The following SH3RF3 variants were observed in gnomAD, a reference collection of about 807,000 sequenced individuals.
SH3RF3 encodes SH3 domain containing ring finger 3, also known as E3 ubiquitin-protein ligase SH3RF3.
A neutral mutation model predicts 66.3 loss-of-function variants in SH3RF3; 29 were observed. That is an observed-to-expected ratio of 0.44 (90% CI 0.33 to 0.60). The LOEUF (loss-of-function observed/expected upper bound fraction) is 0.60, where lower values mean the gene tolerates loss of function less well. Ranked by LOEUF, SH3RF3 falls within the 20% of genes least tolerant of loss-of-function variation. The pLI, the probability that SH3RF3 is intolerant of heterozygous loss-of-function variation, is 0.04. For synonymous variants in SH3RF3, 583 were observed against 532.0 expected (o/e 1.10, Z -1.32); for missense variants, 1,194 against 1,190.9 (o/e 1.00, Z -0.04).
intron 7 of SH3RF3, among the ~76,000 whole-genome samples, chr2:109,439,984 A>G (rs1677515905): frequency 6.6e-6 from 1 of 152,200 alleles, no homozygotes; most frequent in African/African-American, 2.4e-5. Flanking sequence ...GAAAGTTTTC[A>G]AGAGGAGGTG....
intron 5 of SH3RF3, among the ~76,000 whole-genome samples, chr2:109,422,672 A>G (rs1676914233): frequency 6.6e-6 from 1 of 152,184 alleles, no homozygotes; most frequent in African/African-American, 2.4e-5. Context: ...AAGCAGAAAT[A>G]TGATTGTCTG....
chr2:109,451,875 A>T (rs1340659436), intron 8 of SH3RF3, among the ~76,000 whole-genome samples: 1 of 152,230 alleles, frequency 6.6e-6, no homozygotes, highest in Non-Finnish European at 1.5e-5. Flanking sequence ...GGGGCTGGAC[A>T]CATGCTGTGG....
At chr2:109,225,545 G>A (rs1351485458) in intron 1 of SH3RF3, among the ~76,000 whole-genome samples, 2 of 152,236 alleles carry the variant, frequency 1.3e-5, no homozygotes, top group African/African-American at 4.8e-5. Context: ...TCTCCTGAGA[G>A]TTAGGCCAGG....
chr2:109,294,303 G>A (rs1681256161), intron 1 of SH3RF3, among the ~76,000 whole-genome samples: 1 of 152,124 alleles, frequency 6.6e-6, no homozygotes, highest in South Asian at 2.1e-4. Flanking sequence ...GGTCATGCCT[G>A]TAATCCCAGC....
At chr2:109,439,419 A>G (rs770963416) in intron 7 of SH3RF3, among the ~76,000 whole-genome samples, 6 of 152,152 alleles carry the variant, frequency 3.9e-5, no homozygotes, top group Non-Finnish European at 8.8e-5. Context: ...TTCATTCTGC[A>G]TTTAGAGAGA....
intron 1 of SH3RF3, among the ~76,000 whole-genome samples, chr2:109,257,582 C>T (rs1024251481): frequency 2.6e-5 from 4 of 152,078 alleles, no homozygotes. Flanking sequence ...TTACTTTCTT[C>T]CCTTGACCAC....
intron 1 of SH3RF3, among the ~76,000 whole-genome samples, chr2:109,135,323 G>A (rs1315156582): frequency 6.6e-6 from 1 of 152,220 alleles, no homozygotes; most frequent in Non-Finnish European, 1.5e-5. Flanking sequence ...ACACGTGGAA[G>A]GAGGGGAAGG....
intron 3 of SH3RF3, among the ~76,000 whole-genome samples, chr2:109,390,002 C>T (rs555702352): frequency 2.0e-5 from 3 of 152,268 alleles, no homozygotes; most frequent in Admixed American, 6.5e-5. Flanking sequence ...AAGGCAGAAG[C>T]GCCCTGGGAA....
At chr2:109,341,777 A>G (rs1325556533) in intron 1 of SH3RF3, among the ~76,000 whole-genome samples, 1 of 152,214 alleles carries the variant, frequency 6.6e-6, no homozygotes, top group East Asian at 1.9e-4. Context: ...ATCATAAAAC[A>G]TGCTCCAGAA....
chr2:109,176,680 T>G (rs1321504796), intron 1 of SH3RF3, among the ~76,000 whole-genome samples: 1 of 152,036 alleles, frequency 6.6e-6, no homozygotes, highest in African/African-American at 2.4e-5. Flanking sequence ...CAGATTTCAG[T>G]GAGCTATGAT....
chr2:109,443,236 T>A (rs1677618357), intron 7 of SH3RF3, among the ~76,000 whole-genome samples: 1 of 152,258 alleles, frequency 6.6e-6, no homozygotes, highest in African/African-American at 2.4e-5. Context: ...TCAGAAGGAT[T>A]AAGTGGCTGA....
intron 4 of SH3RF3, among the ~76,000 whole-genome samples, chr2:109,404,529 G>A (rs1197858055): frequency 3.9e-5 from 6 of 152,116 alleles, no homozygotes; most frequent in African/African-American, 1.4e-4. Flanking sequence ...GGCCTAGGCT[G>A]GCCACAAGCA....
rs1306749618 is a variant in SH3RF3 at position 109,449,375 on chromosome 2, C to G, written c.2034C>G (p.Pro678=). 3.7e-6 allele frequency: 6 copies of G among 1,610,978 alleles called. No homozygotes were observed. The highest frequency in any genetic ancestry group is 4.2e-6 in the Non-Finnish European group (5 of 1,178,394). ...LTSAASAITP[P]NVSAANLNGE... Reference sequence around the variant, plus strand: ...CAGCAGCATCAGCCATCACACCTCCCAACGTCAGTGCCGCAAACCTCAACG... The same window carrying G: ...CAGCAGCATCAGCCATCACACCTCCGAACGTCAGTGCCGCAAACCTCAACG... Residue 678 remains proline, a synonymous_variant, in exon 8 of 10, where the codon CCC becomes CCG. Coordinates refer to ENST00000309415, the MANE Select transcript of SH3RF3 (RefSeq NM_001099289.3).
intron 1 of SH3RF3, among the ~76,000 whole-genome samples, chr2:109,260,403 C>A (rs371310077): frequency 1.3e-5 from 2 of 152,212 alleles, no homozygotes; most frequent in African/African-American, 4.8e-5. Flanking sequence ...AGCAGGAGAG[C>A]AGGTGCAGTT....
chr2:109,434,256 ACT>A (rs759903054), intron 6 of SH3RF3, among the ~76,000 whole-genome samples: 29 of 152,092 alleles, frequency 1.9e-4, no homozygotes, highest in Admixed American at 8.5e-4. Flanking sequence ...GGGGGACATC[ACT>A]CTGTCACACG....
At chr2:109,138,834 T>G (rs542035643) in intron 1 of SH3RF3, among the ~76,000 whole-genome samples, 1 of 152,354 alleles carries the variant, frequency 6.6e-6, no homozygotes, top group African/African-American at 2.4e-5. Flanking sequence ...ATGTACTGAC[T>G]GCCCACCCTG....
chr2:109,215,747 G>A (rs1296303137), intron 1 of SH3RF3, among the ~76,000 whole-genome samples: 6 of 152,296 alleles, frequency 3.9e-5, no homozygotes, highest in African/African-American at 1.4e-4. Context: ...ACATCTAATG[G>A]GGGACATCGC....
chr2:109,257,047 G>A (rs936758427), intron 1 of SH3RF3, among the ~76,000 whole-genome samples: 5 of 152,188 alleles, frequency 3.3e-5, no homozygotes, highest in African/African-American at 1.2e-4. Context: ...GCACTGTATG[G>A]CATTTGAATG....
At position 109,432,793 on chromosome 2, in the gene SH3RF3, G is replaced by A. The variant is rs987473137; in HGVS notation, c.1574+122G>A. On this transcript the variant is annotated intron_variant, in intron 6 of 9. Transcript: ENST00000309415. The stretch of plus-strand genomic sequence containing the variant: ...CCCAGAAGGCAGCAAGGCCACCAGT[G>A]CCCAGGGTTCAGCCCCCACTGGCGT... 8 of 1,344,054 alleles carry A rather than the reference G, an allele frequency of 6.0e-6. No individual in the cohort carries two copies. The African/African-American group carries it at 1.2e-4, about 20-fold the overall frequency. 83.3% of individuals were successfully genotyped at this position (1,344,054 alleles called of 1,614,324 possible).
Sources: gnomAD v4.1 joint callset for allele counts (sites outside exome capture counted in the v4.1 genomes callset) on GRCh38, gnomAD v4.1.1 for gene constraint, MANE v1.5 for transcripts, NCBI Gene and HGNC (gene_info 2026-07-23, HGNC 2026-07-21) for gene names.